The following CSMD1 variants were observed in gnomAD, a reference collection of about 807,000 sequenced individuals.
CSMD1 encodes the protein CUB and sushi domain-containing protein 1.
Under a neutral mutation model 417.5 loss-of-function variants are expected in CSMD1, and 213 were observed. The observed-to-expected ratio is 0.51, with a 90% CI of 0.46 to 0.57. CSMD1 has a LOEUF of 0.57. CSMD1 is among the 20% of genes least tolerant of loss of function. The pLI, the probability that CSMD1 is intolerant of heterozygous loss-of-function variation, is 0.00. For missense variants in CSMD1, 6,923 were observed against 4,529.7 expected, an observed-to-expected ratio of 1.53 and a Z score of -15.17; for synonymous variants, 2,862 against 1,736.8, an observed-to-expected ratio of 1.65 and a Z score of -16.11.
chr8:4,846,144 C>G (rs1801130191), intron 1 of CSMD1, among the ~76,000 whole-genome samples: 2 of 152,136 alleles, frequency 1.3e-5, no homozygotes, highest in African/African-American at 4.8e-5. Flanking sequence ...TTCTCCTGTC[C>G]TGCATACTAT....
intron 5 of CSMD1, among the ~76,000 whole-genome samples, chr8:3,923,076 C>A (rs1039462571): frequency 1.3e-5 from 2 of 152,092 alleles, no homozygotes; most frequent in South Asian, 2.1e-4. Context: ...TTCCTGGAGC[C>A]CAGTTGCGAA....
chr8:3,875,589 C>G (rs1048386087), intron 5 of CSMD1, among the ~76,000 whole-genome samples: 4 of 152,066 alleles, frequency 2.6e-5, no homozygotes, highest in Non-Finnish European at 4.4e-5. Context: ...GGAGAGGAGT[C>G]CCATTGTGAG....
chr8:3,407,998 C>A lies in CSMD1; in HGVS notation c.1972G>T (p.Glu658Ter). 1 of 1,613,894 alleles carries A rather than the reference C, an allele frequency of 6.2e-7. No individual in the cohort carries two copies. Among genetic ancestry groups the A allele is most frequent in the Non-Finnish European group, 8.5e-7 (1 of 1,179,860 alleles). The change falls in exon 14 of 70, where the codon GAA (glutamate) becomes TAA (stop). Residue 658 changes from glutamate to a stop codon, truncating the protein, a stop_gained. Coordinates refer to ENST00000635120, the MANE Select transcript of CSMD1 (RefSeq NM_033225.6). LOFTEE classifies it high-confidence loss of function. ...CTGCTGGCCAGCTGGGAAGGCACTT[C>A]ATTGCCAGAAAAAGTACCCAGGACA... ...ITVLGTFSGNEVPSQLASSGH... is the reference protein window; with the variant it reads ...ITVLGTFSGN
At chr8:3,053,615 T>C (rs933397865) in intron 49 of CSMD1, among the ~76,000 whole-genome samples, 5 of 152,280 alleles carry the variant, frequency 3.3e-5, no homozygotes, top group South Asian at 4.1e-4. Context: ...GAAAGAGGTA[T>C]GCATGCAGAT....
chr8:3,429,952 G>A (rs1178761625), intron 12 of CSMD1, among the ~76,000 whole-genome samples: 7 of 152,100 alleles, frequency 4.6e-5, no homozygotes, highest in African/African-American at 1.7e-4. Context: ...ATCTCGATAT[G>A]TATTAATCGA....
At chr8:4,418,517 G>T (rs1027355528) in intron 3 of CSMD1, among the ~76,000 whole-genome samples, 2 of 151,912 alleles carry the variant, frequency 1.3e-5, no homozygotes, top group African/African-American at 4.8e-5. Flanking sequence ...TCATCAGGAG[G>T]GGAGAAAAAA....
intron 1 of CSMD1, among the ~76,000 whole-genome samples, chr8:4,778,303 C>T (rs1001124662): frequency 6.6e-6 from 1 of 152,026 alleles, no homozygotes; most frequent in Non-Finnish European, 1.5e-5. Flanking sequence ...ATAAAAAGGT[C>T]AGAGCTATTT....
At chr8:2,945,953 G>A (rs911680689) in intron 68 of CSMD1, among the ~76,000 whole-genome samples, 7 of 152,138 alleles carry the variant, frequency 4.6e-5, no homozygotes, top group African/African-American at 1.4e-4. Context: ...ATCCTGTCAC[G>A]CAACACTTCA....
chr8:4,839,704 A>T (rs921952), intron 1 of CSMD1, among the ~76,000 whole-genome samples: 2 of 152,044 alleles, frequency 1.3e-5, no homozygotes, highest in Admixed American at 6.5e-5. Flanking sequence ...GAACTCAAAG[A>T]TAAGTACAAT....
At chr8:4,803,696 G>A (rs1192556236) in intron 1 of CSMD1, among the ~76,000 whole-genome samples, 1 of 152,098 alleles carries the variant, frequency 6.6e-6, no homozygotes, top group Non-Finnish European at 1.5e-5. Context: ...GCTCATTTCT[G>A]CTTTTTTCCA....
At chr8:4,783,339 G>T (rs533857193) in intron 1 of CSMD1, among the ~76,000 whole-genome samples, 1 of 152,146 alleles carries the variant, frequency 6.6e-6, no homozygotes, top group Non-Finnish European at 1.5e-5. Context: ...GACCCGCAGC[G>T]CCACAGCCTC....
At chr8:3,397,050 C>A (rs1811746697) in intron 16 of CSMD1, among the ~76,000 whole-genome samples, 1 of 151,924 alleles carries the variant, frequency 6.6e-6, no homozygotes, top group African/African-American at 2.4e-5. Flanking sequence ...AGAATCTAGC[C>A]TGAGATTTTA....
chr8:3,730,380 T>TTTTC (rs1287152563), intron 6 of CSMD1, among the ~76,000 whole-genome samples: 1 of 150,890 alleles, frequency 6.6e-6, no homozygotes, highest in East Asian at 1.9e-4. Flanking sequence ...ATTTTTTTTT[T>TTTTC]TTTTTTGCCC....
intron 3 of CSMD1, among the ~76,000 whole-genome samples, chr8:4,307,211 A>G (rs575822931): frequency 1.3e-5 from 2 of 152,194 alleles, no homozygotes; most frequent in South Asian, 4.1e-4. Flanking sequence ...ACGGCTCATT[A>G]TTTTTATAAT....
chr8:3,097,511 G>A (rs1363908950), intron 46 of CSMD1, among the ~76,000 whole-genome samples: 4 of 152,154 alleles, frequency 2.6e-5, no homozygotes, highest in African/African-American at 9.7e-5. Context: ...GCCTGATGCT[G>A]CAGATGGTCC....
At chr8:3,945,119 C>G (rs767080896) in intron 5 of CSMD1, among the ~76,000 whole-genome samples, 5 of 146,458 alleles carry the variant, frequency 3.4e-5, no homozygotes, top group Admixed American at 1.4e-4. Flanking sequence ...TAAAATTAAG[C>G]CTTTGTAAGT....
chr8:4,763,854 G>T (rs951978521), intron 1 of CSMD1, among the ~76,000 whole-genome samples: 1 of 152,104 alleles, frequency 6.6e-6, no homozygotes, highest in Non-Finnish European at 1.5e-5. Context: ...ATATTTTCCT[G>T]AACGGAAAGA....
At chr8:4,492,406 G>A (rs1801749833) in intron 2 of CSMD1, among the ~76,000 whole-genome samples, 1 of 152,124 alleles carries the variant, frequency 6.6e-6, no homozygotes, top group Non-Finnish European at 1.5e-5. Context: ...TGACATTCTG[G>A]AAAAGGCAAA....
intron 1 of CSMD1, among the ~76,000 whole-genome samples, chr8:4,847,003 T>C (rs1801183102): frequency 6.6e-6 from 1 of 152,210 alleles, no homozygotes; most frequent in Admixed American, 6.5e-5. Flanking sequence ...GTTAATGATT[T>C]GTCAGTAGAA....
Sources: gnomAD v4.1 joint callset for allele counts (sites outside exome capture counted in the v4.1 genomes callset) on GRCh38, gnomAD v4.1.1 for gene constraint, MANE v1.5 for transcripts, NCBI Gene and HGNC (gene_info 2026-07-23, HGNC 2026-07-21) for gene names.